GRID2: variants seen among roughly 807,000 people sequenced by gnomAD.
The protein encoded by GRID2 is glutamate receptor ionotropic, delta-2.
Under a neutral mutation model 114.8 loss-of-function variants are expected in GRID2, and 33 were observed. The ratio of observed to expected loss-of-function variants is 0.29; its 90% confidence interval spans 0.22 to 0.38. GRID2 has a LOEUF of 0.38. GRID2 is among the 10% of genes least tolerant of loss of function. The probability of loss-of-function intolerance (pLI) is 1.00; values close to 1 mark genes in which losing one functional copy is unlikely to be tolerated. For missense variants in GRID2, 1,184 were observed against 1,257.7 expected (o/e 0.94, Z 0.89); for synonymous variants, 505 against 449.9 (o/e 1.12, Z -1.55).
intron 4 of GRID2, among the ~76,000 whole-genome samples, chr4:93,191,197 C>G (rs1464891580): frequency 6.6e-6 from 1 of 151,928 alleles, no homozygotes; most frequent in Non-Finnish European, 1.5e-5. Context: ...AATAGCAAAA[C>G]TCTAGATAGT....
chr4:93,515,565 AAAG>A (rs1328326047), intron 13 of GRID2, among the ~76,000 whole-genome samples, 154 bp downstream of exon 13: 1 of 152,088 alleles, frequency 6.6e-6, no homozygotes, highest in Non-Finnish European at 1.5e-5. Context: ...ATATTGATTT[AAAG>A]AAGATTTTTT....
intron 1 of GRID2, among the ~76,000 whole-genome samples, chr4:92,450,743 A>T (rs572052953): frequency 6.6e-4 from 100 of 151,208 alleles, no homozygotes; most frequent in African/African-American, 2.3e-3. Context: ...CTCTTTCTTT[A>T]TGTTGATCTG....
At chr4:93,172,668 A>G (rs1483104817) in intron 4 of GRID2, among the ~76,000 whole-genome samples, 3 of 152,144 alleles carry the variant, frequency 2.0e-5, no homozygotes, top group African/African-American at 7.2e-5. Flanking sequence ...AATACAATGG[A>G]CCCACACATT....
chr4:92,901,427 C>A (rs1285276573), intron 2 of GRID2, among the ~76,000 whole-genome samples: 1 of 152,114 alleles, frequency 6.6e-6, no homozygotes, highest in Non-Finnish European at 1.5e-5. Context: ...TATGTTCACC[C>A]AATCTGTAGG....
chr4:92,969,404 A>G (rs1487112267), intron 2 of GRID2, among the ~76,000 whole-genome samples: 1 of 151,708 alleles, frequency 6.6e-6, no homozygotes, highest in Non-Finnish European at 1.5e-5. Context: ...ATGATTAATA[A>G]CAATGAGTTG....
chr4:93,432,347 A>T lies in GRID2; in HGVS notation c.1545+9379A>T, dbSNP rs368603826. On this transcript the variant is annotated intron_variant, in intron 10 of 15. Transcript: ENST00000282020. ...GTAAGGGAATTAAATGAGATGAAAG[A>T]AGAGCTAAAATGATTAAGGAAGCAT... Among the ~76,000 whole-genome samples the T allele has an allele frequency of 1.1e-4, 17 of 152,318 alleles. No homozygotes were observed. In the East Asian group the frequency reaches 3.1e-3, roughly 28 times the overall value.
At chr4:93,085,312 G>A in intron 3 of GRID2, 33 bp downstream of exon 3, 2 of 1,495,598 alleles carry the variant, frequency 1.3e-6, no homozygotes, top group Non-Finnish European at 1.9e-6. Flanking sequence ...GGTTTTGTAA[G>A]CTGATATTTG....
chr4:93,134,686 A>C (rs139386935), intron 4 of GRID2, among the ~76,000 whole-genome samples: 2 of 152,234 alleles, frequency 1.3e-5, no homozygotes, highest in Non-Finnish European at 2.9e-5. Context: ...ATTTTAATGA[A>C]AATTAAAATT....
intron 14 of GRID2, among the ~76,000 whole-genome samples, chr4:93,682,796 G>C (rs1725699889): frequency 1.4e-5 from 2 of 143,148 alleles, no homozygotes; most frequent in Non-Finnish European, 3.1e-5. Flanking sequence ...TTGGGGGAGG[G>C]GGGAGGGATA....
intron 1 of GRID2, among the ~76,000 whole-genome samples, chr4:92,467,341 C>T (rs1350673716): frequency 2.0e-5 from 3 of 151,708 alleles, no homozygotes; most frequent in African/African-American, 7.3e-5. Flanking sequence ...TTTATAAACA[C>T]GTTATAATTT....
chr4:92,376,572 C>T (rs559106090), intron 1 of GRID2, among the ~76,000 whole-genome samples: 5 of 152,244 alleles, frequency 3.3e-5, no homozygotes, highest in Middle Eastern at 6.8e-3. Flanking sequence ...CTAGGCGGTG[C>T]CCCATTAGGG....
chr4:93,730,856 G>T (rs1049946472), intron 14 of GRID2, among the ~76,000 whole-genome samples: 25 of 152,346 alleles, frequency 1.6e-4, no homozygotes, highest in African/African-American at 5.3e-4. Flanking sequence ...TCTGAATGAT[G>T]GCACTGGGGG....
At chr4:93,014,134 C>T (rs1196480205) in intron 2 of GRID2, among the ~76,000 whole-genome samples, 1 of 152,022 alleles carries the variant, frequency 6.6e-6, no homozygotes, top group African/African-American at 2.4e-5. Flanking sequence ...GGGTGTTCTA[C>T]ATGCTAAAGT....
intron 2 of GRID2, among the ~76,000 whole-genome samples, chr4:92,803,425 A>T (rs1220978628): frequency 2.6e-5 from 4 of 152,022 alleles, no homozygotes; most frequent in African/African-American, 9.7e-5. Flanking sequence ...AAATATAACA[A>T]AGACGGGAAA....
At chr4:92,390,315 C>T (rs1560602356) in intron 1 of GRID2, among the ~76,000 whole-genome samples, 1 of 152,042 alleles carries the variant, frequency 6.6e-6, no homozygotes, top group Admixed American at 6.6e-5. Flanking sequence ...AGAATAACCG[C>T]CCCAAGATCA....
At chr4:92,310,688 G>A (rs970184010) in intron 1 of GRID2, among the ~76,000 whole-genome samples, 4 of 152,072 alleles carry the variant, frequency 2.6e-5, no homozygotes, top group Non-Finnish European at 5.9e-5. Context: ...ACATTGGAAA[G>A]TTATTTAATT....
chr4:92,740,243 G>A (rs555008539), intron 2 of GRID2, among the ~76,000 whole-genome samples: 10 of 152,288 alleles, frequency 6.6e-5, no homozygotes, highest in East Asian at 1.9e-4. Context: ...CTCAAGGAAA[G>A]CAAATTGTCC....
intron 1 of GRID2, among the ~76,000 whole-genome samples, chr4:92,573,241 C>CT (rs1420549864): frequency 6.6e-6 from 1 of 150,836 alleles, no homozygotes; most frequent in Non-Finnish European, 1.5e-5. Flanking sequence ...AGTGAGGAGT[C>CT]TATTTTATTT....
Position 93,110,788 on chromosome 4 carries a change from G to T in GRID2, c.570G>T (p.Gln190His). The change falls in exon 4 of 16, where the codon CAG (glutamine) becomes CAT (histidine). Residue 190 changes from glutamine (Q) to histidine (H), a missense_variant. Around this residue, in one of 3 missense-constraint regions of GRID2, gnomAD observed 455 missense variants for 429.5 expected, o/e 1.06. Coordinates refer to ENST00000282020, the MANE Select transcript of GRID2 (RefSeq NM_001510.4). ...GIQEFLDKVS[Q>H]QGMDVALQKV... ...AGGAGTTCTTGGACAAAGTCTCTCA[G>T]CAGGGAATGGATGTTGCACTTCAGA... 2 of 1,613,086 alleles carry T rather than the reference G, an allele frequency of 1.2e-6. No individual in the cohort carries two copies. The highest frequency in any genetic ancestry group is 1.7e-6 in the Non-Finnish European group (2 of 1,179,072).
Sources: allele counts gnomAD v4.1 joint callset (sites outside exome capture counted in the v4.1 genomes callset), GRCh38; gene constraint gnomAD v4.1.1; regional missense constraint gnomAD v4.1.1; transcripts MANE v1.5; gene names NCBI Gene and HGNC (gene_info 2026-07-23, HGNC 2026-07-21).